Variants in CAPN14 observed in about 807,000 individuals in gnomAD.
CAPN14 encodes the protein calpain-14.
A neutral mutation model predicts 101.3 loss-of-function variants in CAPN14; 94 were observed. That is an observed-to-expected ratio of 0.93 (90% confidence interval 0.79 to 1.10). The LOEUF is 1.10. Among genes scored for constraint, CAPN14 ranks in the 50% least tolerant of loss-of-function variants. CAPN14 has a pLI of 0.00. For missense variants in CAPN14, 837 were observed against 828.4 expected, an observed-to-expected ratio of 1.01 and a Z score of -0.13; for synonymous variants, 338 against 317.9, an observed-to-expected ratio of 1.06 and a Z score of -0.67.
intron 16 of CAPN14, 91 bp from the exon 17 acceptor site, chr2:31,181,091 G>A: frequency 2.1e-6 from 2 of 960,816 alleles, no homozygotes; most frequent in East Asian, 5.3e-5. Context: ...GCATGGGCCA[G>A]CTGATGACCA....
At chr2:31,205,015 A>G (rs934932761) in intron 2 of CAPN14, among the ~76,000 whole-genome samples, 1 of 152,168 alleles carries the variant, frequency 6.6e-6, no homozygotes, top group African/African-American at 2.4e-5. Flanking sequence ...AAATTTCATT[A>G]CAGAATACCC....
chr2:31,200,752 C>T, intron 5 of CAPN14, 127 bp from the exon 6 acceptor site: 1 of 885,874 alleles, frequency 1.1e-6, no homozygotes, highest in Non-Finnish European at 1.7e-6. Flanking sequence ...GCTCAGGCAA[C>T]CCTGACATAG....
intron 15 of CAPN14, 36 bp from the exon 16 acceptor site, chr2:31,186,521 G>T: frequency 3.4e-6 from 5 of 1,489,794 alleles, no homozygotes; most frequent in African/African-American, 1.4e-5. Flanking sequence ...AAAAATAACT[G>T]TTACTGAAGG....
At chr2:31,196,018 T>C (rs958314859) in intron 8 of CAPN14, among the ~76,000 whole-genome samples, 1 of 151,952 alleles carries the variant, frequency 6.6e-6, no homozygotes, top group Non-Finnish European at 1.5e-5. Context: ...AAAACAGCTA[T>C]TATAAAAGTG....
chr2:31,214,408 C>T (rs1319336000), intron 1 of CAPN14, among the ~76,000 whole-genome samples: 2 of 152,198 alleles, frequency 1.3e-5, no homozygotes, highest in African/African-American at 4.8e-5. Flanking sequence ...CCAAAATGCT[C>T]ATCCAGGCTT....
rs750486705 is a variant in CAPN14 at position 31,200,508 on chromosome 2, G to A, written c.669C>T (p.Asp223=). 20 of 1,551,342 alleles carry A rather than the reference G, an allele frequency of 1.3e-5. No homozygotes were observed. The highest frequency in any genetic ancestry group is 2.7e-5 in the African/African-American group (2 of 73,030). ...NLAEAHGNLW[D]ILIEATYNRT... is the part of the protein sequence containing the mutation. ...TGTTGTAGGTGGCTTCGATGAGGAT[G>A]TCCCAGAGGTTGCCATGGGCTTCTG... Residue 223 remains aspartate, a synonymous_variant, in exon 6 of 22, where the codon GAC becomes GAT. Coordinates refer to ENST00000403897, the MANE Select transcript of CAPN14 (RefSeq NM_001145122.2).
chr2:31,191,429 A>AT, intron 11 of CAPN14, 22 bp from the exon 12 acceptor site: 7 of 1,509,108 alleles, frequency 4.6e-6, no homozygotes, highest in African/African-American at 1.4e-5. Context: ...AAACAAAAAC[A>AT]GAAAAAAAAA....
Position 31,201,966 on chromosome 2 carries a change from C to G in CAPN14, c.447G>C (p.Val149=). The G allele has an allele frequency of 6.4e-7, 1 of 1,551,740 alleles. No homozygotes were observed. ...CATTCACAGGCAGACGGTCATCGAT[C>G]ACCACAGGAACCCAGTTCCCATAGT... is the stretch of plus-strand genomic sequence containing the variant. ...FWHYGNWVPV[V]IDDRLPVNEA... Residue 149 remains valine (V), a synonymous_variant, in exon 5 of 22, where the codon GTG becomes GTC. Transcript: ENST00000403897.
chr2:31,195,422 C>T (rs918918258), intron 8 of CAPN14, among the ~76,000 whole-genome samples: 3 of 152,166 alleles, frequency 2.0e-5, no homozygotes, highest in East Asian at 1.9e-4. Context: ...CTGCAACCTC[C>T]GCCTCCCGGG....
At chr2:31,218,042 C>T (rs1415979152), upstream of CAPN14, among the ~76,000 whole-genome samples, 1 of 152,082 alleles carries the variant, frequency 6.6e-6, no homozygotes, top group African/African-American at 2.4e-5. Flanking sequence ...CTATTGAGAT[C>T]GCTCCCTCTT....
In CAPN14 at chr2:31,205,325, G is replaced by A. The variant is rs79600252; in HGVS notation, c.123C>T (p.Gly41=). Residue 41 remains glycine, a synonymous_variant, in exon 2 of 22, where the codon GGC becomes GGT. Transcript: ENST00000403897. ...EALLAECLRN[G]CLFEDTSFPA... ...GGAAGCTGGTGTCTTCAAAGAGGCAGCCATTCCTCAGGCACTCTGCCAGCA... is the reference window on the plus strand; with the variant it reads ...GGAAGCTGGTGTCTTCAAAGAGGCAACCATTCCTCAGGCACTCTGCCAGCA... The A allele has an allele frequency of 1.8e-3, 2,759 of 1,551,062 alleles. 59 individuals carry two copies. The African/African-American group carries it at 0.034, about 19-fold the overall frequency.
chr2:31,203,027 G>T, intron 3 of CAPN14, 43 bp downstream of exon 3: 3 of 1,496,818 alleles, frequency 2.0e-6, no homozygotes, highest in Non-Finnish European at 2.7e-6. Context: ...GGCCTGGTCA[G>T]CAGGCAGCCT....
At chr2:31,197,863 G>A (rs1049487964) in intron 7 of CAPN14, among the ~76,000 whole-genome samples, 1 of 152,108 alleles carries the variant, frequency 6.6e-6, no homozygotes, top group Non-Finnish European at 1.5e-5. Context: ...AGGCAAGAAG[G>A]GATTGGATTC....
chr2:31,197,756 G>A (rs1681541503), intron 7 of CAPN14, among the ~76,000 whole-genome samples: 3 of 152,174 alleles, frequency 2.0e-5, no homozygotes, highest in Admixed American at 2.0e-4. Context: ...AGAAGAGAAA[G>A]GGAGAGGACA....
chr2:31,190,866 G>A (rs1681143776), intron 12 of CAPN14, among the ~76,000 whole-genome samples: 1 of 152,072 alleles, frequency 6.6e-6, no homozygotes, highest in Admixed American at 6.6e-5. Context: ...GGATTCCTTG[G>A]GCCTTCCTAC....
intron 8 of CAPN14, 40 bp from the exon 9 acceptor site, chr2:31,194,523 TG>T: frequency 1.4e-6 from 2 of 1,406,818 alleles, no homozygotes; most frequent in East Asian, 5.0e-5. Flanking sequence ...GTGGGGAGCA[TG>T]CTAGAAATTC....
Position 31,191,926 on chromosome 2 carries a change from T to C in CAPN14, c.1278+9A>G. On this transcript the variant is annotated intron_variant, in intron 11 of 21. Coordinates refer to ENST00000403897, the MANE Select transcript of CAPN14 (RefSeq NM_001145122.2). The stretch of plus-strand genomic sequence containing the variant: ...GTCCCATGCCCCTGTGGTTCAGAGG[T>C]CCACCTACCCTATACAGGTAGAAGC... The C allele has an allele frequency of 6.5e-7, 1 of 1,539,954 alleles. No individual in the cohort carries two copies. Among genetic ancestry groups the C allele is most frequent in the South Asian group, 1.2e-5 (1 of 82,806 alleles).
chr2:31,177,703 C>T (rs1167360364), intron 19 of CAPN14, 43 bp downstream of exon 19: 15 of 1,413,068 alleles, frequency 1.1e-5, no homozygotes, highest in South Asian at 7.4e-5. Context: ...GAGTGTGCAC[C>T]CTGCCCGTGT....
At chr2:31,176,677 G>A (rs1483364908) in intron 20 of CAPN14, 35 bp from the exon 21 acceptor site, 2 of 1,517,322 alleles carry the variant, frequency 1.3e-6, no homozygotes, top group Non-Finnish European at 1.8e-6. Context: ...TACAGCTAAT[G>A]TGTCTATTGG....
Sources: gnomAD v4.1 joint callset for allele counts (sites outside exome capture counted in the v4.1 genomes callset) on GRCh38, gnomAD v4.1.1 for gene constraint, MANE v1.5 for transcripts, NCBI Gene and HGNC (gene_info 2026-07-23, HGNC 2026-07-21) for gene names.